Variants in NAV3 observed in about 807,000 individuals in gnomAD.
NAV3 encodes neuron navigator 3.
NAV3 carries 87 observed loss-of-function variants against 244.7 expected under a neutral mutation model. That is an observed-to-expected ratio of 0.36 (90% CI 0.30 to 0.42). The LOEUF is 0.42. NAV3 is among the 20% of genes least tolerant of loss of function. The pLI is 1.00. For missense variants in NAV3, 2,663 were observed against 2,893.3 expected (o/e 0.92, Z 1.83); for synonymous variants, 1,126 against 1,042.2 (o/e 1.08, Z -1.55).
intron 8 of NAV3, among the ~76,000 whole-genome samples, chr12:78,016,596 G>A (rs937409118): frequency 1.3e-5 from 2 of 152,166 alleles, no homozygotes; most frequent in Non-Finnish European, 2.9e-5. Flanking sequence ...AGGAAAGCAA[G>A]CACATTAGTG....
At chr12:77,685,488 C>CACACACACAA (rs1555194563) in intron 2 of NAV3, among the ~76,000 whole-genome samples, 1,672 of 150,554 alleles carry the variant, frequency 0.011, 31 homozygotes, top group African/African-American at 0.039. Context: ...CACACACACA[C>CACACACACAA]ACACACACAC....
chr12:78,063,110 G>A (rs1884541574), intron 12 of NAV3, among the ~76,000 whole-genome samples: 2 of 152,084 alleles, frequency 1.3e-5, no homozygotes, highest in African/African-American at 4.8e-5. Flanking sequence ...CCTCTTACCA[G>A]CACATTAAAA....
chr12:77,859,349 A>G (rs1878858610), intron 1 of NAV3, among the ~76,000 whole-genome samples: 1 of 152,094 alleles, frequency 6.6e-6, no homozygotes, highest in Non-Finnish European at 1.5e-5. Context: ...TTCAGAAACA[A>G]TCTAACACAT....
chr12:77,602,290 A>G (rs536112982), intron 2 of NAV3, among the ~76,000 whole-genome samples: 2 of 152,178 alleles, frequency 1.3e-5, no homozygotes, highest in South Asian at 4.1e-4. Flanking sequence ...ATATCAAGGT[A>G]GCAGTTCAGC....
At chr12:77,582,522 T>G (rs774803924) in intron 2 of NAV3, among the ~76,000 whole-genome samples, 2 of 152,202 alleles carry the variant, frequency 1.3e-5, no homozygotes, top group Non-Finnish European at 2.9e-5. Flanking sequence ...AAAATTACAT[T>G]AGGAAGTTTT....
intron 2 of NAV3, among the ~76,000 whole-genome samples, chr12:77,674,345 G>T (rs1592568738): frequency 6.6e-6 from 1 of 151,676 alleles, no homozygotes; most frequent in African/African-American, 2.4e-5. Context: ...GGAAGATATA[G>T]CTAAAGTTCA....
At chr12:77,804,467 G>T (rs983916276) in intron 2 of NAV3, among the ~76,000 whole-genome samples, 2 of 152,176 alleles carry the variant, frequency 1.3e-5, no homozygotes, top group African/African-American at 4.8e-5. Context: ...GTTTATCGAA[G>T]ATCAGATGGT....
intron 1 of NAV3, among the ~76,000 whole-genome samples, chr12:77,858,731 T>C (rs1878765695): frequency 2.0e-5 from 3 of 152,008 alleles, no homozygotes; most frequent in Non-Finnish European, 4.4e-5. Flanking sequence ...AGGAAGAGAT[T>C]TAAAAAGAAA....
chr12:77,629,772 A>C (rs559181779), intron 2 of NAV3, among the ~76,000 whole-genome samples: 1 of 152,292 alleles, frequency 6.6e-6, no homozygotes, highest in African/African-American at 2.4e-5. Flanking sequence ...CCTCTGCTGA[A>C]AATGACATTC....
intron 1 of NAV3, among the ~76,000 whole-genome samples, chr12:77,877,576 A>G (rs540575307): frequency 3.9e-4 from 60 of 152,290 alleles, no homozygotes; most frequent in Non-Finnish European, 7.5e-4. Flanking sequence ...GACTATCTAA[A>G]TAGAAGCAAG....
chr12:77,827,458 C>G (rs1873132633), upstream of NAV3, among the ~76,000 whole-genome samples: 1 of 151,934 alleles, frequency 6.6e-6, no homozygotes. Flanking sequence ...TAAAATTTAG[C>G]CAGGTTGGAA....
At chr12:77,667,071 C>A (rs1873747672) in intron 2 of NAV3, among the ~76,000 whole-genome samples, 1 of 152,118 alleles carries the variant, frequency 6.6e-6, no homozygotes, top group Non-Finnish European at 1.5e-5. Context: ...CCTAATTATG[C>A]AGAACGTAAA....
chr12:78,151,729 A>G (rs11108490), intron 22 of NAV3, among the ~76,000 whole-genome samples: 21 of 151,800 alleles, frequency 1.4e-4, no homozygotes, highest in Non-Finnish European at 2.7e-4. Flanking sequence ...ATGTCAATCT[A>G]TTAATGTAAA....
intron 1 of NAV3, among the ~76,000 whole-genome samples, chr12:77,834,817 G>C (rs2136109913): frequency 6.6e-6 from 1 of 152,186 alleles, no homozygotes; most frequent in East Asian, 1.9e-4. Context: ...AGAATGCCTG[G>C]TCAGCAGTTC....
chr12:77,943,849 T>C (rs1472326404), intron 3 of NAV3, among the ~76,000 whole-genome samples: 10 of 152,222 alleles, frequency 6.6e-5, no homozygotes. Flanking sequence ...AATCACGAAT[T>C]GTTTTTATTT....
chr12:77,876,437 A>G (rs1156789737), intron 1 of NAV3, among the ~76,000 whole-genome samples: 1 of 152,104 alleles, frequency 6.6e-6, no homozygotes, highest in African/African-American at 2.4e-5. Flanking sequence ...CTGTTTCTTC[A>G]CGAATCAGTT....
intron 12 of NAV3, among the ~76,000 whole-genome samples, chr12:78,066,571 G>A (rs1432355661): frequency 6.6e-6 from 1 of 152,050 alleles, no homozygotes; most frequent in Non-Finnish European, 1.5e-5. Context: ...TACCTTTCAA[G>A]CTATATTTTG....
chr12:77,667,573 C>G (rs1873773148), intron 2 of NAV3, among the ~76,000 whole-genome samples: 1 of 152,010 alleles, frequency 6.6e-6, no homozygotes, highest in African/African-American at 2.4e-5. Context: ...AACCACAATC[C>G]CATCCCCCAC....
rs1565793436 is a variant in NAV3 at position 78,198,593 on chromosome 12, A to G, written c.6447-12A>G. 6.6e-7 allele frequency: 1 copy of G among 1,525,358 alleles called. No homozygotes were observed. The highest frequency in any genetic ancestry group is 1.2e-5 in the South Asian group (1 of 83,130). The allele number at this position is 1,525,358 out of a possible 1,614,324, so 94.5% of individuals were successfully genotyped here. ...TCCAGTAAATTAAAATTTTCTATTT[A>G]TTTTTTTCTAGTCCATATATTATTG... On this transcript the variant is annotated splice_polypyrimidine_tract_variant and intron_variant, in intron 35 of 39. Transcript: ENST00000397909.
Sources: allele counts gnomAD v4.1 joint callset (sites outside exome capture counted in the v4.1 genomes callset), GRCh38; gene constraint gnomAD v4.1.1; transcripts MANE v1.5; gene names NCBI Gene and HGNC (gene_info 2026-07-23, HGNC 2026-07-21).